Variants in KCNQ1OT1 observed in about 807,000 individuals in gnomAD.
KCNQ1OT1 encodes the protein KCNQ1 opposite strand/antisense transcript 1, also known as KCNQ1 antisense RNA 2 (non-protein coding).
chr11:2,683,862 G>A lies in KCNQ1OT1; in HGVS notation n.16133C>T, dbSNP rs1564857208. 7.5e-6 allele frequency: 3 copies of A among 398,300 alleles called. No individual in the cohort carries two copies. The highest frequency in any genetic ancestry group is 1.3e-5 in the Non-Finnish European group (3 of 226,072). 24.7% of individuals were successfully genotyped at this position (398,300 alleles called of 1,614,324 possible). On this transcript the variant is annotated non_coding_transcript_exon_variant, in exon 1 of 1. Coordinates refer to ENST00000597346, the Ensembl canonical transcript of KCNQ1OT1. The surrounding 1 kb of genome is among the most constrained non-coding windows in gnomAD (Gnocchi z 4.7). ...TCCCCTCCCTGGCCCCACACTCACT[G>A]CTACATCTCTCTTCCAAATCATAAA...
At chr11:2,655,354 A>G in exon 1 of KCNQ1OT1, 1 of 398,680 alleles carries the variant, frequency 2.5e-6, no homozygotes. Context: ...TAAAGCATCA[A>G]AAACCAGGAC....
At chr11:2,629,825 G>A (rs903811209) in exon 1 of KCNQ1OT1, 1 of 397,070 alleles carries the variant, frequency 2.5e-6, no homozygotes, top group African/African-American at 2.1e-5. Flanking sequence ...GGTTTTTTTT[G>A]TGGAGTCTGT....
chr11:2,653,726 C>T lies in KCNQ1OT1; in HGVS notation n.46269G>A. The T allele has an allele frequency of 2.5e-6, 1 of 398,652 alleles. No individual in the cohort carries two copies. The highest frequency in any genetic ancestry group is 4.4e-5 in the Admixed American group (1 of 22,742). 24.7% of individuals were successfully genotyped at this position (398,652 alleles called of 1,614,324 possible). On this transcript the variant is annotated non_coding_transcript_exon_variant, in exon 1 of 1. Coordinates refer to ENST00000597346, the Ensembl canonical transcript of KCNQ1OT1. This position sits in a 1 kb window ranked among gnomAD's most constrained non-coding sequence, Gnocchi z 5.3. Reference sequence around the variant, plus strand: ...AGGTCATCTCTTCCAGGATTCCTGCCAGAATCTAAGGCCAGGTTCTTATTG... The same window carrying T: ...AGGTCATCTCTTCCAGGATTCCTGCTAGAATCTAAGGCCAGGTTCTTATTG...
At position 2,674,271 on chromosome 11, in the gene KCNQ1OT1, C is replaced by T. The variant is rs1850246578; in HGVS notation, n.25724G>A. 5.0e-6 allele frequency: 2 copies of T among 398,584 alleles called. No homozygotes were observed. The highest frequency in any genetic ancestry group is 2.1e-5 in the African/African-American group (1 of 48,620). 24.7% of individuals were successfully genotyped at this position (398,584 alleles called of 1,614,324 possible). On this transcript the variant is annotated non_coding_transcript_exon_variant, in exon 1 of 1. Transcript: ENST00000597346. This position sits in a 1 kb window ranked among gnomAD's most constrained non-coding sequence, Gnocchi z 5.9. ...GGCCCCTCTCTCCCAGCCCCCGGCA[C>T]ACACACTAGGACCTTTCTTCATCAT...
exon 1 of KCNQ1OT1, chr11:2,622,255 C>T: frequency 2.5e-6 from 1 of 398,262 alleles, no homozygotes; most frequent in Middle Eastern, 6.3e-4. Context: ...TATACGTTTC[C>T]AATTGCGAAG....
At chr11:2,667,013 T>C (rs907099979) in exon 1 of KCNQ1OT1, 2 of 398,464 alleles carry the variant, frequency 5.0e-6, no homozygotes, top group African/African-American at 4.1e-5. Context: ...AGTCATAGGA[T>C]CCCCGTCAGA....
Position 2,664,543 on chromosome 11 carries a change from G to A in KCNQ1OT1, n.35452C>T, listed in dbSNP as rs1201768820. The A allele has an allele frequency of 2.5e-5, 10 of 398,662 alleles. No homozygotes were observed. The highest frequency in any genetic ancestry group is 1.3e-4 in the South Asian group (1 of 7,870). The allele number at this position is 398,662 out of a possible 1,614,324, so 24.7% of individuals were successfully genotyped here. ...TCAGGGCCCAAACCGCCTGGCGGCA[G>A]GGGTGTGGGGGCCGTGCAGGTCTTC... On this transcript the variant is annotated non_coding_transcript_exon_variant, in exon 1 of 1. Coordinates refer to ENST00000597346, the Ensembl canonical transcript of KCNQ1OT1. The surrounding 1 kb of genome is among the most constrained non-coding windows in gnomAD (Gnocchi z 5.1).
chr11:2,699,462 AGAG>A, exon 1 of KCNQ1OT1: 1 of 393,924 alleles, frequency 2.5e-6, no homozygotes, highest in African/African-American at 2.2e-5. Context: ...AGCCGCCGGG[AGAG>A]TGCCGCGCTG....
exon 1 of KCNQ1OT1, chr11:2,616,217 ATTTTTGTTTTTTTTTGTTG>A: frequency 2.6e-6 from 1 of 384,776 alleles, no homozygotes; most frequent in Non-Finnish European, 4.5e-6. Context: ...TTTTTTTCTT[ATTTTTGTTTTTTTTTGTTG>A]TGTTCCTACT....
At position 2,612,827 on chromosome 11, in the gene KCNQ1OT1, C is replaced by CT; in HGVS notation, n.87167dup. On this transcript the variant is annotated non_coding_transcript_exon_variant, in exon 1 of 1. Transcript: ENST00000597346. The surrounding 1 kb of genome is among the most constrained non-coding windows in gnomAD (Gnocchi z 5.5). ...TCTCATTTTTTTTGTTAAAAACTTA[C>CT]TTTAGATAATATATCGTAGAAACTC... 5.0e-6 allele frequency: 2 copies of CT among 398,470 alleles called. No homozygotes were observed. The highest frequency in any genetic ancestry group is 7.1e-5 in the East Asian group (2 of 28,074). The allele number at this position is 398,470 out of a possible 1,614,324, so 24.7% of individuals were successfully genotyped here. A position where few individuals can be genotyped will look rare whatever the true frequency, so the allele number is the denominator to read the frequency against.
exon 1 of KCNQ1OT1, chr11:2,643,787 A>G (rs1849617698): frequency 5.0e-6 from 2 of 398,486 alleles, no homozygotes; most frequent in Non-Finnish European, 8.8e-6. Flanking sequence ...TGTAGTGGCA[A>G]TTAATTCCCT....
chr11:2,669,791 C>T lies in KCNQ1OT1; in HGVS notation n.30204G>A, dbSNP rs774256096. 182 of 398,604 alleles carry T rather than the reference C, an allele frequency of 4.6e-4. 1 individual carries two copies. Among genetic ancestry groups the T allele is most frequent in the South Asian group, 1.7e-3 (13 of 7,856 alleles). 24.7% of individuals were successfully genotyped at this position (398,604 alleles called of 1,614,324 possible). ...GATGGGAGATCCTGTGGGGACATTC[C>T]TTATTTGGCCTGAGAGCTTTTGAGA... On this transcript the variant is annotated non_coding_transcript_exon_variant, in exon 1 of 1. Transcript: ENST00000597346. The surrounding 1 kb of genome is among the most constrained non-coding windows in gnomAD (Gnocchi z 5.6).
exon 1 of KCNQ1OT1, chr11:2,615,970 A>T (rs957962948): frequency 7.5e-6 from 3 of 398,194 alleles, no homozygotes; most frequent in Non-Finnish European, 1.3e-5. Flanking sequence ...ATAATTCAAC[A>T]GTGACGCCAT....
Position 2,648,328 on chromosome 11 carries a change from C to G in KCNQ1OT1, n.51667G>C, listed in dbSNP as rs1283032377. On this transcript the variant is annotated non_coding_transcript_exon_variant, in exon 1 of 1. Coordinates refer to ENST00000597346, the Ensembl canonical transcript of KCNQ1OT1. ...CTTCTAATTTTAGGTTTGATTTGTT[C>G]TTGCTTTTCTAGTTCCTTGAGATGC... 6 of 398,270 alleles carry G rather than the reference C, an allele frequency of 1.5e-5. No individual in the cohort carries two copies. The East Asian group carries it at 1.8e-4, about 12-fold the overall frequency. The allele number at this position is 398,270 out of a possible 1,614,324, so 24.7% of individuals were successfully genotyped here.
At position 2,661,249 on chromosome 11, in the gene KCNQ1OT1, A is replaced by G. The variant is rs1159556540; in HGVS notation, n.38746T>C. The stretch of plus-strand genomic sequence containing the variant: ...ATGAGTACTTAATCCTTTTGCAATA[A>G]AATATTTAAATGAAGACAAATATAA... On this transcript the variant is annotated non_coding_transcript_exon_variant, in exon 1 of 1. Coordinates refer to ENST00000597346, the Ensembl canonical transcript of KCNQ1OT1. This position sits in a 1 kb window ranked among gnomAD's most constrained non-coding sequence, Gnocchi z 5.9. 1 of 399,068 alleles carries G rather than the reference A, an allele frequency of 2.5e-6. No individual in the cohort carries two copies. Among genetic ancestry groups the G allele is most frequent in the Non-Finnish European group, 4.4e-6 (1 of 226,530 alleles). The allele number at this position is 399,068 out of a possible 1,614,324, so 24.7% of individuals were successfully genotyped here. A position where few individuals can be genotyped will look rare whatever the true frequency, so the allele number is the denominator to read the frequency against.
rs931342562 is a variant in KCNQ1OT1 at position 2,699,234 on chromosome 11, G to A, written n.761C>T. On this transcript the variant is annotated non_coding_transcript_exon_variant, in exon 1 of 1. Coordinates refer to ENST00000597346, the Ensembl canonical transcript of KCNQ1OT1. ...GAACTCGGACCTCGACCCTGGCCAC[G>A]CTGTCCATAAGGTGCAGATGGGAGC... 57 of 398,756 alleles carry A rather than the reference G, an allele frequency of 1.4e-4. 1 individual carries two copies. In the East Asian group the frequency reaches 1.8e-3, roughly 13 times the overall value. 24.7% of individuals were successfully genotyped at this position (398,756 alleles called of 1,614,324 possible). A position where few individuals can be genotyped will look rare whatever the true frequency, so the allele number is the denominator to read the frequency against.
At chr11:2,666,760 G>A (rs1268758998) in exon 1 of KCNQ1OT1, 1 of 398,688 alleles carries the variant, frequency 2.5e-6, no homozygotes. Context: ...GCAGCTCTGT[G>A]AGTGTCTAAG....
At chr11:2,628,839 C>A (rs1450818522) in exon 1 of KCNQ1OT1, 2 of 398,146 alleles carry the variant, frequency 5.0e-6, no homozygotes, top group Non-Finnish European at 8.9e-6. Context: ...ATGTGGATAT[C>A]CTGGTTTCAC....
exon 1 of KCNQ1OT1, chr11:2,660,162 T>C (rs899265795): frequency 3.0e-5 from 12 of 398,240 alleles, no homozygotes; most frequent in African/African-American, 2.5e-4. Context: ...CTTCAAGATA[T>C]TTTATGGTTT....
Sources: allele counts gnomAD v4.1 joint callset, GRCh38; gene constraint gnomAD v4.1.1; non-coding constraint Gnocchi (gnomAD v3.1); transcripts MANE v1.5; gene names NCBI Gene and HGNC (gene_info 2026-07-23, HGNC 2026-07-21).